The following WRN variants were observed in gnomAD, a reference collection of about 807,000 sequenced individuals.
WRN encodes WRN RecQ like helicase.
Under a neutral mutation model 180.7 loss-of-function variants are expected in WRN, and 149 were observed. That is an observed-to-expected ratio of 0.82 (90% CI 0.72 to 0.94). The LOEUF (loss-of-function observed/expected upper bound fraction) is 0.94, where lower values mean the gene tolerates loss of function less well. Ranked by LOEUF, WRN falls within the 40% of genes least tolerant of loss-of-function variation. The pLI is 0.00. For synonymous variants in WRN, 548 were observed against 568.9 expected, an observed-to-expected ratio of 0.96 and a Z score of 0.52; for missense variants, 1,661 against 1,700.1, an observed-to-expected ratio of 0.98 and a Z score of 0.40.
At chr8:31,053,235 A>G (rs1355149235) in intron 1 of WRN, among the ~76,000 whole-genome samples, 2 of 152,236 alleles carry the variant, frequency 1.3e-5, no homozygotes, top group Admixed American at 6.5e-5. Context: ...ACAAGGTACT[A>G]TGGAAAAAGA....
At chr8:31,156,205 G>A (rs73670473) in intron 32 of WRN, among the ~76,000 whole-genome samples, 4,061 of 152,234 alleles carry the variant, frequency 0.027, 182 homozygotes, top group African/African-American at 0.089. Flanking sequence ...TCTGAATTAA[G>A]TGTATTCTAA....
chr8:31,120,172 A>G (rs1287567169), intron 20 of WRN, 71 bp from the exon 21 acceptor site: 1 of 1,579,086 alleles, frequency 6.3e-7, no homozygotes, highest in Non-Finnish European at 8.7e-7. Context: ...TTATTCTTAC[A>G]AAAAGGTATA....
chr8:31,073,582 G>C (rs1469987985), intron 7 of WRN, among the ~76,000 whole-genome samples: 1 of 152,102 alleles, frequency 6.6e-6, no homozygotes, highest in Non-Finnish European at 1.5e-5. Flanking sequence ...GGTTGAGGTT[G>C]GAGATGTAAT....
At chr8:31,035,665 TATC>T (rs1447833407) in intron 1 of WRN, among the ~76,000 whole-genome samples, 1 of 152,182 alleles carries the variant, frequency 6.6e-6, no homozygotes, top group South Asian at 2.1e-4. Context: ...TGGAGTAAGA[TATC>T]ATAAAATTTG....
At chr8:31,088,416 A>G (rs1813619082) in intron 12 of WRN, among the ~76,000 whole-genome samples, 1 of 152,180 alleles carries the variant, frequency 6.6e-6, no homozygotes, top group South Asian at 2.1e-4. Context: ...CATTTAGGTA[A>G]CTAAACTAAA....
At chr8:31,048,553 A>G (rs953041997) in intron 1 of WRN, among the ~76,000 whole-genome samples, 1 of 152,196 alleles carries the variant, frequency 6.6e-6, no homozygotes, top group Non-Finnish European at 1.5e-5. Flanking sequence ...ATAAATGTAT[A>G]AATTAGTTAC....
chr8:31,163,872 A>G (rs11574388), intron 33 of WRN, among the ~76,000 whole-genome samples: 66,946 of 145,730 alleles, frequency 0.46, 15,433 homozygotes, highest in South Asian at 0.6. Flanking sequence ...TTTTTTTTTG[A>G]GACAAGGTCT....
At chr8:31,107,160 T>C (rs1171300231) in intron 18 of WRN, among the ~76,000 whole-genome samples, 2 of 152,122 alleles carry the variant, frequency 1.3e-5, no homozygotes, top group Non-Finnish European at 2.9e-5. Flanking sequence ...GTACAAATAA[T>C]ATAAAAAGAT....
At position 31,175,693 on chromosome 8, in the gene WRN, AT is replaced by A. The variant is rs368726429; in HGVS notation, c.*2598del. 7.2e-5 allele frequency among the ~76,000 whole-genome samples: 11 copies of A among 152,292 alleles called. No homozygotes were observed. The highest frequency in any genetic ancestry group is 2.4e-4 in the African/African-American group (10 of 41,558). On this transcript the variant is annotated 3_prime_UTR_variant, in exon 35 of 35. Transcript: ENST00000298139. ...CAACTACGTGCCTGTGCAAAGTCAGATTTTTTTCATATACTTCAGCCAAAAC... is the reference window on the plus strand; with the variant it reads ...CAACTACGTGCCTGTGCAAAGTCAGATTTTTTCATATACTTCAGCCAAAAC...
At chr8:31,142,527 T>C in intron 26 of WRN, 99 bp from the exon 27 acceptor site, 1 of 920,956 alleles carries the variant, frequency 1.1e-6, no homozygotes, top group East Asian at 2.8e-5. Flanking sequence ...TCTAAAAGGG[T>C]AATATCTTAT....
intron 10 of WRN, 72 bp from the exon 11 acceptor site, chr8:31,085,094 G>A: frequency 4.8e-6 from 7 of 1,447,928 alleles, no homozygotes; most frequent in Non-Finnish European, 6.7e-6. Context: ...GTATATAGGA[G>A]CTTTGTTCTG....
At position 31,061,685 on chromosome 8, in the gene WRN, C is replaced by T. The variant is rs180808850; in HGVS notation, c.209+2420C>T. ...TTCAAGCTTGATCAGGGAAAGTCTACGTTTGCCTTTAGTCTAAAGGTAATT... is the reference window on the plus strand; with the variant it reads ...TTCAAGCTTGATCAGGGAAAGTCTATGTTTGCCTTTAGTCTAAAGGTAATT... On this transcript the variant is annotated intron_variant, in intron 3 of 34. Transcript: ENST00000298139. Among the ~76,000 whole-genome samples the T allele has an allele frequency of 5.4e-3, 827 of 152,190 alleles. 23 individuals carry two copies. The highest frequency in any genetic ancestry group is 0.032 in the Admixed American group (496 of 15,284).
chr8:31,154,828 T>C, intron 32 of WRN, 73 bp downstream of exon 32: 4 of 1,577,366 alleles, frequency 2.5e-6, no homozygotes, highest in Non-Finnish European at 3.5e-6. Context: ...CTTTTTAGTA[T>C]TAAAGTTCTG....
rs532152316 is a variant in WRN, at chr8:31,123,309, T to G, written c.2631-1213T>G. 3.9e-5 allele frequency among the ~76,000 whole-genome samples: 6 copies of G among 152,176 alleles called. No individual in the cohort carries two copies. In the South Asian group the frequency reaches 1.2e-3, roughly 32 times the overall value. On this transcript the variant is annotated intron_variant, in intron 21 of 34. Coordinates refer to ENST00000298139, the MANE Select transcript of WRN (RefSeq NM_000553.6). ...CTGTGCCTAATTTATAAATTAAACT[T>G]TTTCATAGGTATATACATATAGGAA...
chr8:31,059,322 T>A lies in WRN; in HGVS notation c.209+57T>A, dbSNP rs747102789. On this transcript the variant is annotated intron_variant, in intron 3 of 34. Transcript: ENST00000298139. Reference sequence around the variant, plus strand: ...AATTTGGACCCTTAGAAGGTACTATTATGGTAATGTTTGTGAATATACTGA... The same window carrying A: ...AATTTGGACCCTTAGAAGGTACTATAATGGTAATGTTTGTGAATATACTGA... The A allele has an allele frequency of 1.3e-5, 18 of 1,402,596 alleles. No individual in the cohort carries two copies. The Admixed American group carries it at 1.3e-4, about 10-fold the overall frequency. The allele number at this position is 1,402,596 out of a possible 1,614,324, so 86.9% of individuals were successfully genotyped here. A position where few individuals can be genotyped will look rare whatever the true frequency, so the allele number is the denominator to read the frequency against.
At chr8:31,070,355 T>C (rs958084004) in intron 7 of WRN, among the ~76,000 whole-genome samples, 1 of 152,064 alleles carries the variant, frequency 6.6e-6, no homozygotes, top group African/African-American at 2.4e-5. Flanking sequence ...AGACTGTTTT[T>C]TTCTTCTTGT....
rs764035310 is a variant in WRN at position 31,090,823 on chromosome 8, T to G, written c.1721-11T>G. ...TTTTTCATTTTATTTTTATATTTTT[T>G]TCATTTCAAGGATATGGAAAGAGTT... is the stretch of plus-strand genomic sequence containing the variant. On this transcript the variant is annotated splice_polypyrimidine_tract_variant and intron_variant, in intron 14 of 34. Transcript: ENST00000298139. 1 of 1,589,082 alleles carries G rather than the reference T, an allele frequency of 6.3e-7. No homozygotes were observed. The highest frequency in any genetic ancestry group is 8.6e-7 in the Non-Finnish European group (1 of 1,165,066).
intron 18 of WRN, among the ~76,000 whole-genome samples, chr8:31,103,956 G>T (rs1563353389): frequency 6.6e-6 from 1 of 151,976 alleles, no homozygotes; most frequent in Non-Finnish European, 1.5e-5. Context: ...GGATGGTCTC[G>T]ATCTCCTGAC....
At chr8:31,094,763 A>G (rs1380705156) in intron 16 of WRN, among the ~76,000 whole-genome samples, 1 of 152,168 alleles carries the variant, frequency 6.6e-6, no homozygotes, top group Non-Finnish European at 1.5e-5. Context: ...TGTGTCTGGC[A>G]TCTTCCACTT....
Sources: gnomAD v4.1 joint callset for allele counts (sites outside exome capture counted in the v4.1 genomes callset) on GRCh38, gnomAD v4.1.1 for gene constraint, MANE v1.5 for transcripts, NCBI Gene and HGNC (gene_info 2026-07-23, HGNC 2026-07-21) for gene names.